ZC3H11A: variants seen among roughly 807,000 people sequenced by gnomAD.
ZC3H11A encodes zinc finger CCCH-type containing 11A.
ZC3H11A carries 22 observed loss-of-function variants against 90.8 expected under a neutral mutation model. The observed-to-expected ratio is 0.24, with a 90% CI of 0.17 to 0.35. The LOEUF (loss-of-function observed/expected upper bound fraction) is 0.35, where lower values mean the gene tolerates loss of function less well. Among genes scored for constraint, ZC3H11A ranks in the 10% least tolerant of loss-of-function variants. ZC3H11A has a pLI of 1.00. For synonymous variants in ZC3H11A, 294 were observed against 339.8 expected (o/e 0.87, Z 1.48); for missense variants, 701 against 964.9 (o/e 0.73, Z 3.62).
At chr1:203,796,226 C>G (rs191829490) in intron 1 of ZC3H11A, 18 of 392,556 alleles carry the variant, frequency 4.6e-5, no homozygotes, top group African/African-American at 3.5e-4. Flanking sequence ...TTGAGCGGAC[C>G]CTCACTGCCT....
chr1:203,849,819 T>C lies in ZC3H11A; in HGVS notation c.1732T>C (p.Leu578=), dbSNP rs773950082. The part of the protein sequence containing the change: ...QKQQEREKSV[L]TPLRGDVASC... ...ACAGCAGGAGAGGGAAAAATCAGTCTTGACACCTCTTCGGGGAGATGTAGC... is the reference window on the plus strand; with the variant it reads ...ACAGCAGGAGAGGGAAAAATCAGTCCTGACACCTCTTCGGGGAGATGTAGC... The change falls in exon 15 of 18, where the codon TTG becomes CTG. Residue 578 remains leucine, a synonymous_variant. Coordinates refer to ENST00000367210, the MANE Select transcript of ZC3H11A (RefSeq NM_001376342.1). 34 of 1,613,874 alleles carry C rather than the reference T, an allele frequency of 2.1e-5. No homozygotes were observed. The highest frequency in any genetic ancestry group is 5.5e-5 in the South Asian group (5 of 91,078).
chr1:203,815,216 C>CTTTT (rs59254922), intron 2 of ZC3H11A, among the ~76,000 whole-genome samples: 16,092 of 96,246 alleles, frequency 0.17, 2,672 homozygotes, highest in South Asian at 0.24. Flanking sequence ...CTTTTCTTTT[C>CTTTT]TTTTTTTTTT....
At position 203,813,292 on chromosome 1, in the gene ZC3H11A, C is replaced by T. The variant is rs146055859; in HGVS notation, c.-145-3634C>T. Among the ~76,000 whole-genome samples, 359 of 151,872 alleles carry T rather than the reference C, an allele frequency of 2.4e-3. 1 individual carries two copies. The East Asian group carries it at 0.026, about 11-fold the overall frequency. ...TGTGATCTCAGCTCACTGCAACCTC[C>T]GCCTCCCAGGTTCAAGCAATTCTCT... On this transcript the variant is annotated intron_variant, in intron 2 of 17. Transcript: ENST00000367210.
intron 12 of ZC3H11A, 31 bp downstream of exon 12, chr1:203,840,405 A>T (rs760657508): frequency 1.4e-5 from 22 of 1,595,050 alleles, no homozygotes; most frequent in Middle Eastern, 3.3e-4. Context: ...GATTCTGATT[A>T]TTTTTTTCTT....
At chr1:203,805,451 A>C (rs1410950072) in intron 2 of ZC3H11A, among the ~76,000 whole-genome samples, 2 of 152,154 alleles carry the variant, frequency 1.3e-5, no homozygotes, top group African/African-American at 4.8e-5. Context: ...TTTAGTACAA[A>C]GAAAGCATTT....
At chr1:203,797,614 T>G (rs887919507) in intron 1 of ZC3H11A, 48 of 1,535,712 alleles carry the variant, frequency 3.1e-5, no homozygotes, top group Non-Finnish European at 4.0e-5. Flanking sequence ...CTGGGATGTG[T>G]TCCTATTAAT....
At position 203,852,966 on chromosome 1, in the gene ZC3H11A, A is replaced by G. The variant is rs1000273857; in HGVS notation, c.*567A>G. 2 of 155,520 alleles carry G rather than the reference A, an allele frequency of 1.3e-5. No individual in the cohort carries two copies. The highest frequency in any genetic ancestry group is 2.9e-5 in the Non-Finnish European group (2 of 69,980). The allele number at this position is 155,520 out of a possible 1,614,324, so 9.6% of individuals were successfully genotyped here. A position where few individuals can be genotyped will look rare whatever the true frequency, so the allele number is the denominator to read the frequency against. On this transcript the variant is annotated 3_prime_UTR_variant, in exon 18 of 18. Coordinates refer to ENST00000367210, the MANE Select transcript of ZC3H11A (RefSeq NM_001376342.1). ...AGCTCAGGAAGCCTGTAATGTGGGC[A>G]TAACTCTTTGGACCTGATCTTGATG...
Position 203,829,536 on chromosome 1 carries a change from G to C in ZC3H11A, c.384G>C (p.Gln128His). Reference protein sequence around the residue: ...LSVQQNKLSVQSNPSPQLRSV... With the variant: ...LSVQQNKLSVHSNPSPQLRSV... The stretch of plus-strand genomic sequence containing the variant: ...TTCAGCAGAACAAATTGTCTGTCCA[G>C]TCCAATCCTTCCCCTCAGCTGCGGA... The change falls in exon 6 of 18, where the codon CAG (glutamine) becomes CAC (histidine). Residue 128 changes from glutamine (Q) to histidine (H), a missense_variant. Gln to His is a conservative substitution (Grantham distance 24, BLOSUM62 0). Around this residue, in one of 4 missense-constraint regions of ZC3H11A, gnomAD observed 530 missense variants for 696.2 expected, o/e 0.76. Coordinates refer to ENST00000367210, the MANE Select transcript of ZC3H11A (RefSeq NM_001376342.1). 6.2e-7 allele frequency: 1 copy of C among 1,613,998 alleles called. No homozygotes were observed. The highest frequency in any genetic ancestry group is 8.5e-7 in the Non-Finnish European group (1 of 1,179,942).
At chr1:203,830,532 G>C (rs1191221250) in intron 8 of ZC3H11A, among the ~76,000 whole-genome samples, 3 of 152,186 alleles carry the variant, frequency 2.0e-5, no homozygotes, top group African/African-American at 4.8e-5. Flanking sequence ...GAGAGGAAAG[G>C]CTGGGCGTGG....
rs991581429 is a variant in ZC3H11A, at chr1:203,819,844, A to AT, written c.174+1162dup. On this transcript the variant is annotated intron_variant, in intron 4 of 17. Coordinates refer to ENST00000367210, the MANE Select transcript of ZC3H11A (RefSeq NM_001376342.1). ...CCACCGCGCCCAGCCGACTCCAGCA[A>AT]TTTTTTTAAAAAGATTAACATTGAT... 2.0e-5 allele frequency among the ~76,000 whole-genome samples: 3 copies of AT among 151,514 alleles called. No homozygotes were observed. In the East Asian group the frequency reaches 5.8e-4, roughly 29 times the overall value.
At chr1:203,799,429 C>G (rs1669828908) in intron 1 of ZC3H11A, 1 of 702,960 alleles carries the variant, frequency 1.4e-6, no homozygotes, top group Admixed American at 2.0e-5. Context: ...CACCAACTTC[C>G]ATGGAAGAAT....
At chr1:203,813,412 T>C (rs1675191871) in intron 2 of ZC3H11A, among the ~76,000 whole-genome samples, 1 of 152,184 alleles carries the variant, frequency 6.6e-6, no homozygotes, top group African/African-American at 2.4e-5. Context: ...TTATTGGTTT[T>C]CTTTTGTATT....
intron 11 of ZC3H11A, 54 bp from the exon 12 acceptor site, chr1:203,840,252 G>A (rs13375025): frequency 0.13 from 199,740 of 1,557,296 alleles, 14,337 homozygotes; most frequent in Non-Finnish European, 0.14. Flanking sequence ...CTGTATTTAA[G>A]CTGTAAAAAG....
At chr1:203,841,712 A>C (rs1412028088) in intron 12 of ZC3H11A, among the ~76,000 whole-genome samples, 1 of 151,864 alleles carries the variant, frequency 6.6e-6, no homozygotes, top group Non-Finnish European at 1.5e-5. Flanking sequence ...GGGGCTCCTC[A>C]CTTCCCAGAT....
chr1:203,808,480 C>A (rs750352302), intron 2 of ZC3H11A, among the ~76,000 whole-genome samples: 1 of 152,176 alleles, frequency 6.6e-6, no homozygotes, highest in Non-Finnish European at 1.5e-5. Flanking sequence ...TGTAAAGACT[C>A]AAGTCCATCA....
At chr1:203,836,959 C>A (rs959393657) in intron 10 of ZC3H11A, among the ~76,000 whole-genome samples, 57 of 152,240 alleles carry the variant, frequency 3.7e-4, no homozygotes, top group African/African-American at 1.4e-3. Context: ...AATTCTTAAC[C>A]TGTCTTCCTC....
Position 203,830,202 on chromosome 1 carries a change from T to G in ZC3H11A, c.699T>G (p.Gly233=), listed in dbSNP as rs1572176863. ...TGAAGGAAAAATCTAAGAAGCAAGG[T>G]GGTAAGTCATCACGTTTTGGCATGG... ...KKMKEKSKKQ[G]EGSSGVSSLL... Residue 233 remains glycine, a splice_region_variant and synonymous_variant, in exon 8 of 18, where the codon GGT becomes GGG. Coordinates refer to ENST00000367210, the MANE Select transcript of ZC3H11A (RefSeq NM_001376342.1). 1 of 1,597,036 alleles carries G rather than the reference T, an allele frequency of 6.3e-7. No homozygotes were observed.
chr1:203,810,429 T>A (rs1406721022), intron 2 of ZC3H11A, among the ~76,000 whole-genome samples: 2 of 151,298 alleles, frequency 1.3e-5, no homozygotes. Flanking sequence ...TTAGGTTTTT[T>A]TTTTTTTTGA....
intron 1 of ZC3H11A, chr1:203,799,403 A>G (rs1466678676): frequency 8.5e-6 from 6 of 703,086 alleles, no homozygotes; most frequent in Admixed American, 2.0e-5. Context: ...AGATACTGCA[A>G]GAGTTCCAAA....
Sources: gnomAD v4.1 joint callset for allele counts (sites outside exome capture counted in the v4.1 genomes callset) on GRCh38, gnomAD v4.1.1 for gene constraint, gnomAD v4.1.1 regional missense constraint, MANE v1.5 for transcripts, NCBI Gene and HGNC (gene_info 2026-07-23, HGNC 2026-07-21) for gene names.